STXBP6: variants seen among roughly 807,000 people sequenced by gnomAD.
STXBP6 encodes the protein syntaxin binding protein 6.
A neutral mutation model predicts 26.9 loss-of-function variants in STXBP6; 21 were observed. That is an observed-to-expected ratio of 0.78 (90% confidence interval 0.55 to 1.12). The LOEUF (loss-of-function observed/expected upper bound fraction) is 1.12, where lower values mean the gene tolerates loss of function less well. STXBP6 is among the 50% of genes most tolerant of loss of function. STXBP6 has a pLI of 0.00. For synonymous variants in STXBP6, 97 were observed against 92.6 expected (o/e 1.05, Z -0.27); for missense variants, 232 against 257.9 (o/e 0.90, Z 0.69).
intron 4 of STXBP6, among the ~76,000 whole-genome samples, chr14:24,838,825 T>C (rs924745203): frequency 3.9e-5 from 6 of 152,184 alleles, no homozygotes; most frequent in Non-Finnish European, 7.4e-5. Flanking sequence ...GCTACATTCA[T>C]AGACAACTCA....
In STXBP6 at chr14:24,810,959, C is replaced by T. The variant is rs2067806735; in HGVS notation, c.*1750G>A. 1 of 148,610 alleles carries T rather than the reference C, an allele frequency of 6.7e-6. No individual in the cohort carries two copies. Among genetic ancestry groups the T allele is most frequent in the Non-Finnish European group, 1.5e-5 (1 of 67,300 alleles). The allele number at this position is 148,610 out of a possible 1,614,324, so 9.2% of individuals were successfully genotyped here. A position where few individuals can be genotyped will look rare whatever the true frequency, so the allele number is the denominator to read the frequency against. On this transcript the variant is annotated 3_prime_UTR_variant, in exon 6 of 6. Coordinates refer to ENST00000323944, the MANE Select transcript of STXBP6 (RefSeq NM_001394410.1). Reference sequence around the variant, plus strand: ...TTTGGAGTGATATTTGGGGCTTTTCCTAGAAATTAAAATAGCTTCCAACGG... The same window carrying T: ...TTTGGAGTGATATTTGGGGCTTTTCTTAGAAATTAAAATAGCTTCCAACGG...
chr14:24,850,582 C>A (rs576757262), intron 4 of STXBP6, among the ~76,000 whole-genome samples: 30 of 152,194 alleles, frequency 2.0e-4, no homozygotes, highest in Admixed American at 1.8e-3. Context: ...TTTCATCTTG[C>A]CCTTGTCTGT....
At chr14:24,818,981 G>T in intron 5 of STXBP6, 56 bp downstream of exon 5, 1 of 1,500,478 alleles carries the variant, frequency 6.7e-7, no homozygotes, top group Non-Finnish European at 8.9e-7. Flanking sequence ...AAGTTTCTTG[G>T]CACTGTAGCT....
Position 24,898,924 on chromosome 14 carries a change from C to T in STXBP6, c.155-41767G>A, listed in dbSNP as rs1031966994. ...CTCTATAGAAGGAAGAATTTCTATA[C>T]TCAGAGGCATCATTACATAGGCATG... On this transcript the variant is annotated intron_variant, in intron 2 of 5. Transcript: ENST00000323944. 4.6e-5 allele frequency among the ~76,000 whole-genome samples: 7 copies of T among 152,174 alleles called. 2 individuals are homozygous for T. Among genetic ancestry groups the T allele is most frequent in the Admixed American group, 3.9e-4 (6 of 15,278 alleles).
chr14:24,960,705 C>A (rs986406626), intron 2 of STXBP6, among the ~76,000 whole-genome samples: 11 of 152,224 alleles, frequency 7.2e-5, no homozygotes, highest in Non-Finnish European at 1.2e-4. Context: ...ACAGCTGAAC[C>A]CATATTCAGT....
intron 1 of STXBP6, among the ~76,000 whole-genome samples, chr14:24,994,099 T>C (rs2074539106): frequency 6.6e-6 from 1 of 152,190 alleles, no homozygotes; most frequent in South Asian, 2.1e-4. Flanking sequence ...TCAGGTAGTA[T>C]CTGAAATACA....
At chr14:24,887,046 A>T (rs2070616297) in intron 2 of STXBP6, among the ~76,000 whole-genome samples, 2 of 152,174 alleles carry the variant, frequency 1.3e-5, no homozygotes, top group East Asian at 3.9e-4. Context: ...TGACATCAGG[A>T]CTCAAAGCAT....
chr14:24,899,425 A>C (rs1343795812), intron 2 of STXBP6, among the ~76,000 whole-genome samples: 1 of 152,160 alleles, frequency 6.6e-6, no homozygotes, highest in African/African-American at 2.4e-5. Context: ...ACCAAGTAAC[A>C]ATTAGAATCT....
At chr14:24,962,285 T>A (rs961683610) in intron 2 of STXBP6, among the ~76,000 whole-genome samples, 1 of 142,832 alleles carries the variant, frequency 7.0e-6, no homozygotes, top group East Asian at 2.0e-4. Flanking sequence ...AAGTACAAGA[T>A]ATTTTATTTA....
chr14:25,016,573 G>C (rs1408447063), intron 1 of STXBP6, among the ~76,000 whole-genome samples: 3 of 152,234 alleles, frequency 2.0e-5, no homozygotes, highest in Admixed American at 1.3e-4. Flanking sequence ...ACGCCAAAAA[G>C]ATCGTAAGAA....
Position 24,819,120 on chromosome 14 carries a change from G to A in STXBP6, c.526C>T (p.Arg176Cys), listed in dbSNP as rs769103083. Residue 176 changes from arginine to cysteine, a missense_variant, in exon 5 of 6, where the codon CGT becomes TGT. Coordinates refer to ENST00000323944, the MANE Select transcript of STXBP6 (RefSeq NM_001394410.1). Reference protein sequence around the residue: ...VQKASQALNERGERLGRAEEK... With the variant: ...VQKASQALNECGERLGRAEEK... ...TCTGCTCGGCCTAATCGCTCTCCAC[G>A]CTCATTCAAGGCCTGGCTTGCCTTC... 6.2e-7 allele frequency: 1 copy of A among 1,614,062 alleles called. No individual in the cohort carries two copies. The highest frequency in any genetic ancestry group is 8.5e-7 in the Non-Finnish European group (1 of 1,180,000).
intron 1 of STXBP6, among the ~76,000 whole-genome samples, chr14:24,987,194 T>G (rs1021828291): frequency 6.6e-5 from 10 of 152,196 alleles, no homozygotes; most frequent in African/African-American, 2.2e-4. Context: ...GGGATCACCA[T>G]CCAAAAGCTG....
chr14:24,919,541 T>A (rs1048630338), intron 2 of STXBP6, among the ~76,000 whole-genome samples: 15 of 151,658 alleles, frequency 9.9e-5, no homozygotes, highest in South Asian at 2.1e-4. Context: ...TTTTTTTTTT[T>A]AAATCAAATT....
chr14:24,965,498 A>C (rs995389785), intron 2 of STXBP6, among the ~76,000 whole-genome samples: 5 of 152,000 alleles, frequency 3.3e-5, no homozygotes, highest in Non-Finnish European at 5.9e-5. Context: ...TGTGGCAAGA[A>C]CCATTAGTGG....
intron 1 of STXBP6, among the ~76,000 whole-genome samples, chr14:24,999,343 C>T (rs1274170284): frequency 6.6e-6 from 1 of 152,170 alleles, no homozygotes; most frequent in African/African-American, 2.4e-5. Context: ...CAATTGACAG[C>T]AGAGTGCTCA....
Position 24,859,915 on chromosome 14 carries a change from T to TG in STXBP6, c.155-2759dup, listed in dbSNP as rs547583309. 2.8e-4 allele frequency among the ~76,000 whole-genome samples: 42 copies of TG among 152,308 alleles called. 1 individual carries two copies. The highest frequency in any genetic ancestry group is 1.8e-3 in the Admixed American group (28 of 15,296). ...CTGGTATCAGAGGCAGGCAGAAGCA[T>TG]GGGGGCAACCCAATTCAGGCCGCTT... On this transcript the variant is annotated intron_variant, in intron 2 of 5. Transcript: ENST00000323944.
At chr14:24,837,900 C>T (rs2068665521) in intron 4 of STXBP6, among the ~76,000 whole-genome samples, 1 of 152,116 alleles carries the variant, frequency 6.6e-6, no homozygotes, top group South Asian at 2.1e-4. Context: ...CTGGAAATAA[C>T]AACTGGAAAG....
At chr14:24,945,485 G>A (rs1267875286) in intron 2 of STXBP6, among the ~76,000 whole-genome samples, 1 of 152,032 alleles carries the variant, frequency 6.6e-6, no homozygotes, top group African/African-American at 2.4e-5. Context: ...TGGGCAGATG[G>A]TTTGAGCCCA....
At chr14:25,039,462 C>G (rs2075606459) in intron 1 of STXBP6, among the ~76,000 whole-genome samples, 1 of 152,132 alleles carries the variant, frequency 6.6e-6, no homozygotes, top group Admixed American at 6.5e-5. Flanking sequence ...TTCTGACTGT[C>G]TTTGTATAAA....
Sources: allele counts gnomAD v4.1 joint callset (sites outside exome capture counted in the v4.1 genomes callset), GRCh38; gene constraint gnomAD v4.1.1; transcripts MANE v1.5; gene names NCBI Gene and HGNC (gene_info 2026-07-23, HGNC 2026-07-21).